Variants in ZNF618 observed in about 807,000 individuals in gnomAD.
The protein encoded by ZNF618 is zinc finger protein 618, also known as neural precursor cell expressed, developmentally down-regulated 10.
Under a neutral mutation model 103.0 loss-of-function variants are expected in ZNF618, and 34 were observed. The observed-to-expected ratio is 0.33, with a 90% CI of 0.25 to 0.44. The LOEUF is 0.44. Among genes scored for constraint, ZNF618 ranks in the 20% least tolerant of loss-of-function variants. The pLI, the probability that ZNF618 is intolerant of heterozygous loss-of-function variation, is 1.00. For synonymous variants in ZNF618, 551 were observed against 542.2 expected, an observed-to-expected ratio of 1.02 and a Z score of -0.23; for missense variants, 1,059 against 1,295.4, an observed-to-expected ratio of 0.82 and a Z score of 2.80.
chr9:113,986,201 A>G (rs1839463084), intron 2 of ZNF618, among the ~76,000 whole-genome samples: 1 of 152,166 alleles, frequency 6.6e-6, no homozygotes. Context: ...CTGCATGACA[A>G]CCCTGTTACC....
intron 9 of ZNF618, among the ~76,000 whole-genome samples, chr9:114,008,757 C>G (rs770494376): frequency 2.0e-5 from 3 of 152,188 alleles, no homozygotes; most frequent in East Asian, 3.9e-4. Context: ...AAGGTCAGGA[C>G]AGTGAAGGCA....
intron 9 of ZNF618, among the ~76,000 whole-genome samples, chr9:114,015,864 G>A (rs530212779): frequency 1.3e-5 from 2 of 152,126 alleles, no homozygotes; most frequent in South Asian, 2.1e-4. Flanking sequence ...AAGTAATGTC[G>A]GTTGAATACA....
chr9:113,914,836 T>C (rs1431588761), intron 1 of ZNF618, among the ~76,000 whole-genome samples: 1 of 152,176 alleles, frequency 6.6e-6, no homozygotes, highest in African/African-American at 2.4e-5. Context: ...CCACCTGTTT[T>C]GACAACTTGG....
chr9:114,036,228 C>A, intron 12 of ZNF618, 72 bp from the exon 13 acceptor site: 1 of 1,452,282 alleles, frequency 6.9e-7, no homozygotes, highest in Non-Finnish European at 9.4e-7. Flanking sequence ...ACTTGCAAAG[C>A]TGCCTGCAGC....
intron 10 of ZNF618, among the ~76,000 whole-genome samples, chr9:114,017,993 C>T (rs183718108): frequency 7.2e-5 from 11 of 152,302 alleles, no homozygotes; most frequent in African/African-American, 2.6e-4. Flanking sequence ...CCTGCTTGCC[C>T]CTCACTGCTC....
intron 3 of ZNF618, among the ~76,000 whole-genome samples, chr9:113,997,503 C>T (rs1010008084): frequency 6.6e-6 from 1 of 152,222 alleles, no homozygotes; most frequent in Non-Finnish European, 1.5e-5. Flanking sequence ...CTCTGGTCCT[C>T]ACTTTCCTCA....
At chr9:113,967,269 T>A (rs189571577) in intron 1 of ZNF618, among the ~76,000 whole-genome samples, 11 of 152,362 alleles carry the variant, frequency 7.2e-5, no homozygotes, top group Non-Finnish European at 1.5e-4. Context: ...CCTGTTTGCT[T>A]TGCATACAAG....
At chr9:113,914,534 C>T (rs905692223) in intron 1 of ZNF618, among the ~76,000 whole-genome samples, 1 of 152,210 alleles carries the variant, frequency 6.6e-6, no homozygotes, top group African/African-American at 2.4e-5. Context: ...ATTTTGTAAA[C>T]TGCAGTTGAC....
intron 1 of ZNF618, among the ~76,000 whole-genome samples, chr9:113,962,916 A>C (rs1270235402): frequency 5.3e-5 from 8 of 152,218 alleles, no homozygotes; most frequent in Non-Finnish European, 8.8e-5. Context: ...TAATTGCCAC[A>C]AGGGTATAGA....
At chr9:113,997,458 C>G (rs1351783805) in intron 3 of ZNF618, among the ~76,000 whole-genome samples, 1 of 152,212 alleles carries the variant, frequency 6.6e-6, no homozygotes, top group African/African-American at 2.4e-5. Context: ...GGGAGCAAAT[C>G]AGATCTGACC....
At chr9:113,955,386 A>G (rs1054470283) in intron 1 of ZNF618, among the ~76,000 whole-genome samples, 7 of 150,854 alleles carry the variant, frequency 4.6e-5, no homozygotes, top group African/African-American at 1.7e-4. Context: ...GCAGGCACCC[A>G]TTGGGATGTG....
At chr9:113,938,898 T>C (rs1834288762) in intron 1 of ZNF618, among the ~76,000 whole-genome samples, 1 of 152,202 alleles carries the variant, frequency 6.6e-6, no homozygotes, top group Non-Finnish European at 1.5e-5. Context: ...GATTGATTAT[T>C]GTTGATATGT....
intron 1 of ZNF618, among the ~76,000 whole-genome samples, chr9:113,967,377 T>C (rs1837513638): frequency 6.6e-6 from 1 of 152,230 alleles, no homozygotes; most frequent in South Asian, 2.1e-4. Flanking sequence ...TTCTTGTTTC[T>C]TCTGTTGAAA....
chr9:113,969,297 C>T, intron 2 of ZNF618, 137 bp downstream of exon 2: 2 of 1,023,218 alleles, frequency 2.0e-6, no homozygotes, highest in Non-Finnish European at 3.0e-6. Context: ...CAAGAAGTAT[C>T]CAGACTTCCC....
At chr9:113,909,353 G>A (rs1564157761) in intron 1 of ZNF618, among the ~76,000 whole-genome samples, 1 of 152,074 alleles carries the variant, frequency 6.6e-6, no homozygotes, top group Non-Finnish European at 1.5e-5. Flanking sequence ...GTGGAGTATC[G>A]TGACTGGGAC....
chr9:114,007,398 A>G lies in ZNF618; in HGVS notation c.599A>G (p.Tyr200Cys). 6.3e-7 allele frequency: 1 copy of G among 1,599,710 alleles called. No homozygotes were observed. Reference sequence around the variant, plus strand: ...ATCTGCGGGAAGAAGTACAAATACTACAGCTGTTTCCAAGAGCACCGAGAC... The same window carrying G: ...ATCTGCGGGAAGAAGTACAAATACTGCAGCTGTTTCCAAGAGCACCGAGAC... ...CDICGKKYKY[Y>C]SCFQEHRDLH... Residue 200 changes from tyrosine (Y) to cysteine (C), a missense_variant, in exon 7 of 15, where the codon TAC becomes TGC. Around this residue, in one of 6 missense-constraint regions of ZNF618, gnomAD observed 434 missense variants for 476.0 expected, o/e 0.91. Transcript: ENST00000374126.
intron 1 of ZNF618, among the ~76,000 whole-genome samples, chr9:113,959,255 C>G (rs1836615748): frequency 6.6e-6 from 1 of 151,988 alleles, no homozygotes; most frequent in African/African-American, 2.4e-5. Context: ...CCATTGCACT[C>G]CAGCCTGGGC....
At chr9:114,022,363 C>G (rs998928484) in intron 10 of ZNF618, among the ~76,000 whole-genome samples, 2 of 151,970 alleles carry the variant, frequency 1.3e-5, no homozygotes, top group South Asian at 4.2e-4. Context: ...GTATTCTATA[C>G]AATTCAACAG....
intron 10 of ZNF618, among the ~76,000 whole-genome samples, chr9:114,022,337 G>C (rs1843142556): frequency 6.6e-6 from 1 of 151,672 alleles, no homozygotes; most frequent in African/African-American, 2.4e-5. Flanking sequence ...TATAGAATTG[G>C]TATTATTTTA....
Sources: gnomAD v4.1 joint callset for allele counts (sites outside exome capture counted in the v4.1 genomes callset) on GRCh38, gnomAD v4.1.1 for gene constraint, gnomAD v4.1.1 regional missense constraint, MANE v1.5 for transcripts, NCBI Gene and HGNC (gene_info 2026-07-23, HGNC 2026-07-21) for gene names.